Variants in GRID2 observed in about 807,000 individuals in gnomAD.
GRID2 encodes glutamate receptor ionotropic, delta-2.
GRID2 carries 33 observed loss-of-function variants against 114.8 expected under a neutral mutation model. The ratio of observed to expected loss-of-function variants is 0.29; its 90% CI spans 0.22 to 0.38. The LOEUF (loss-of-function observed/expected upper bound fraction) is 0.38, where lower values mean the gene tolerates loss of function less well. GRID2 is among the 10% of genes least tolerant of loss of function. The probability of loss-of-function intolerance (pLI) is 1.00; values close to 1 mark genes in which losing one functional copy is unlikely to be tolerated. For synonymous variants in GRID2, 505 were observed against 449.9 expected (o/e 1.12, Z -1.55); for missense variants, 1,184 against 1,257.7 (o/e 0.94, Z 0.89).
Position 92,972,466 on chromosome 4 carries a change from T to G in GRID2, c.245-112529T>G, listed in dbSNP as rs540966365. ...AAAAACATGGTTTATGAATAACAGA[T>G]AATGTAACACAATTTGGTGCTCTTT... On this transcript the variant is annotated intron_variant, in intron 2 of 15. Transcript: ENST00000282020. 3.3e-5 allele frequency among the ~76,000 whole-genome samples: 5 copies of G among 152,240 alleles called. No homozygotes were observed. In the South Asian group the frequency reaches 1.0e-3, roughly 32 times the overall value.
At chr4:92,677,267 A>AT (rs1249256104) in intron 2 of GRID2, among the ~76,000 whole-genome samples, 1 of 152,152 alleles carries the variant, frequency 6.6e-6, no homozygotes, top group South Asian at 2.1e-4. Flanking sequence ...TAAAGAGCAA[A>AT]TTTTAAGTTA....
At chr4:92,329,266 C>A (rs1352212617) in intron 1 of GRID2, among the ~76,000 whole-genome samples, 1 of 151,896 alleles carries the variant, frequency 6.6e-6, no homozygotes, top group East Asian at 1.9e-4. Context: ...TAGTACAGAA[C>A]TGTGCTTGCT....
At position 92,317,926 on chromosome 4, in the gene GRID2, T is replaced by A. The variant is rs541992734; in HGVS notation, c.88+13182T>A. Among the ~76,000 whole-genome samples, 6 of 152,312 alleles carry A rather than the reference T, an allele frequency of 3.9e-5. No homozygotes were observed. In the East Asian group the frequency reaches 1.2e-3, roughly 29 times the overall value. ...TGCTTGCATCATATTTATGGTGATT[T>A]TTAAAAATAAAATGCAATATAAATT... On this transcript the variant is annotated intron_variant, in intron 1 of 15. Coordinates refer to ENST00000282020, the MANE Select transcript of GRID2 (RefSeq NM_001510.4).
At position 92,717,900 on chromosome 4, in the gene GRID2, CATAG is replaced by C. The variant is rs565138472; in HGVS notation, c.244+127618_244+127621del. ...CCCAATGTTTCTATGTGACAAATGA[CATAG>C]ATAATTTACAAAATATTAAATACAA... On this transcript the variant is annotated intron_variant, in intron 2 of 15. Transcript: ENST00000282020. Among the ~76,000 whole-genome samples, 71 of 152,136 alleles carry C rather than the reference CATAG, an allele frequency of 4.7e-4. No individual in the cohort carries two copies. The South Asian group carries it at 5.2e-3, about 11-fold the overall frequency.
intron 12 of GRID2, among the ~76,000 whole-genome samples, chr4:93,513,294 TG>T (rs975950472): frequency 9.9e-5 from 15 of 152,168 alleles, no homozygotes; most frequent in African/African-American, 3.6e-4. Context: ...TTACCACTTT[TG>T]GGTATCCTCC....
chr4:93,422,765 A>G lies in GRID2; in HGVS notation c.1348-6A>G, dbSNP rs753790439. On this transcript the variant is annotated splice_polypyrimidine_tract_variant and splice_region_variant and intron_variant, in intron 9 of 15. Coordinates refer to ENST00000282020, the MANE Select transcript of GRID2 (RefSeq NM_001510.4). Reference sequence around the variant, plus strand: ...GACATCAGAAATTTCTCTTATTTCCATGTAGGAAGAACCTTTTGTGATGGT... The same window carrying G: ...GACATCAGAAATTTCTCTTATTTCCGTGTAGGAAGAACCTTTTGTGATGGT... The G allele has an allele frequency of 1.5e-5, 24 of 1,595,740 alleles. No individual in the cohort carries two copies. The highest frequency in any genetic ancestry group is 2.1e-5 in the Non-Finnish European group (24 of 1,163,596).
chr4:93,088,344 A>G (rs1181055458), intron 3 of GRID2, among the ~76,000 whole-genome samples: 1 of 152,194 alleles, frequency 6.6e-6, no homozygotes, highest in African/African-American at 2.4e-5. Flanking sequence ...TCCTTCTGGA[A>G]ATATTCATTG....
chr4:93,395,536 A>G, intron 8 of GRID2, 71 bp from the exon 9 acceptor site: 1 of 734,756 alleles, frequency 1.4e-6, no homozygotes, highest in Non-Finnish European at 2.5e-6. Context: ...ATAGTTCTCC[A>G]TAAAGACTAT....
intron 2 of GRID2, among the ~76,000 whole-genome samples, chr4:92,699,502 G>A (rs932646767): frequency 6.6e-5 from 10 of 152,114 alleles, no homozygotes; most frequent in African/African-American, 1.9e-4. Flanking sequence ...ATAGGACAGA[G>A]TAATGATCAT....
chr4:92,878,951 C>T (rs778886212), intron 2 of GRID2, among the ~76,000 whole-genome samples: 24 of 152,058 alleles, frequency 1.6e-4, no homozygotes, highest in Non-Finnish European at 2.8e-4. Context: ...TGTTATTTCA[C>T]GTTTTGCTGC....
intron 2 of GRID2, among the ~76,000 whole-genome samples, chr4:92,974,187 A>G (rs1753705901): frequency 6.6e-6 from 1 of 152,166 alleles, no homozygotes; most frequent in South Asian, 2.1e-4. Context: ...TCAGGAAACA[A>G]CAGATGCTGG....
At chr4:92,312,135 C>T (rs1266115478) in intron 1 of GRID2, among the ~76,000 whole-genome samples, 1 of 151,808 alleles carries the variant, frequency 6.6e-6, no homozygotes, top group Non-Finnish European at 1.5e-5. Flanking sequence ...GCTTAGTTTA[C>T]TTAAGAAATA....
chr4:92,650,604 T>G (rs533296608), intron 2 of GRID2, among the ~76,000 whole-genome samples: 1 of 152,062 alleles, frequency 6.6e-6, no homozygotes, highest in East Asian at 1.9e-4. Flanking sequence ...ACAAGGTATC[T>G]GAGTGGCAGC....
At position 92,479,211 on chromosome 4, in the gene GRID2, A is replaced by G. The variant is rs547251982; in HGVS notation, c.89-110920A>G. On this transcript the variant is annotated intron_variant, in intron 1 of 15. Transcript: ENST00000282020. ...ATGATACATTAGTGGACTTACTTCA[A>G]GTTTAGTTTGTGCACGCTATGGAAA... is the stretch of plus-strand genomic sequence containing the variant. 4.6e-5 allele frequency among the ~76,000 whole-genome samples: 7 copies of G among 152,240 alleles called. No individual in the cohort carries two copies. In the East Asian group the frequency reaches 5.8e-4, roughly 13 times the overall value.
At chr4:92,966,495 C>A (rs781462816) in intron 2 of GRID2, among the ~76,000 whole-genome samples, 4 of 151,844 alleles carry the variant, frequency 2.6e-5, no homozygotes, top group Non-Finnish European at 4.4e-5. Context: ...TGTCCCCACC[C>A]AAATCTCACC....
chr4:93,416,238 T>G (rs2149359405), intron 9 of GRID2, among the ~76,000 whole-genome samples: 1 of 152,106 alleles, frequency 6.6e-6, no homozygotes, highest in African/African-American at 2.4e-5. Flanking sequence ...TGAACATTTC[T>G]AATACTCACA....
intron 2 of GRID2, among the ~76,000 whole-genome samples, chr4:92,634,038 T>A (rs185564866): frequency 2.6e-5 from 4 of 151,986 alleles, no homozygotes; most frequent in African/African-American, 7.2e-5. Flanking sequence ...TCTTTTTGAT[T>A]CTGTGGGCCA....
At chr4:92,955,397 G>A (rs1752327856) in intron 2 of GRID2, among the ~76,000 whole-genome samples, 1 of 152,124 alleles carries the variant, frequency 6.6e-6, no homozygotes, top group Non-Finnish European at 1.5e-5. Flanking sequence ...TGTGTCTGTT[G>A]GCTGCATAAA....
chr4:93,744,519 G>T (rs949954908), intron 14 of GRID2, among the ~76,000 whole-genome samples: 4 of 152,192 alleles, frequency 2.6e-5, no homozygotes, highest in Non-Finnish European at 5.9e-5. Context: ...AATAGAAAGA[G>T]AAATAGAATG....
Sources: allele counts gnomAD v4.1 joint callset (sites outside exome capture counted in the v4.1 genomes callset), GRCh38; gene constraint gnomAD v4.1.1; transcripts MANE v1.5; gene names NCBI Gene and HGNC (gene_info 2026-07-23, HGNC 2026-07-21).